The following PTPRA variants were observed in gnomAD, a reference collection of about 807,000 sequenced individuals.
PTPRA encodes receptor-type tyrosine-protein phosphatase alpha.
A neutral mutation model predicts 104.8 loss-of-function variants in PTPRA; 25 were observed. The ratio of observed to expected loss-of-function variants is 0.24; its 90% CI spans 0.17 to 0.33. The LOEUF is 0.33. Ranked by LOEUF, PTPRA falls within the 10% of genes least tolerant of loss-of-function variation. The pLI is 1.00. For synonymous variants in PTPRA, 323 were observed against 368.9 expected (o/e 0.88, Z 1.43); for missense variants, 765 against 1,015.3 (o/e 0.75, Z 3.35).
chr20:2,868,586 A>G (rs6138921), upstream of PTPRA, among the ~76,000 whole-genome samples: 30,415 of 145,368 alleles, frequency 0.21, 3,654 homozygotes, highest in East Asian at 0.36. Context: ...AGGAAAGGAA[A>G]TAATCCCCAA....
intron 13 of PTPRA, among the ~76,000 whole-genome samples, chr20:3,020,854 C>T (rs1432881148): frequency 6.6e-6 from 1 of 152,214 alleles, no homozygotes; most frequent in African/African-American, 2.4e-5. Context: ...ATCCAAAGCT[C>T]AGGCAACAGA....
intron 20 of PTPRA, among the ~76,000 whole-genome samples, chr20:3,034,958 C>T (rs1451360749): frequency 6.6e-6 from 1 of 152,062 alleles, no homozygotes; most frequent in Non-Finnish European, 1.5e-5. Flanking sequence ...AGGCATTGTG[C>T]AAGGTGTGGG....
At chr20:2,962,465 T>A (rs1016248137) in intron 3 of PTPRA, among the ~76,000 whole-genome samples, 2 of 152,232 alleles carry the variant, frequency 1.3e-5, no homozygotes, top group Non-Finnish European at 2.9e-5. Context: ...TCCTCTCAAA[T>A]ATGTAGTTAT....
At chr20:2,901,461 T>C (rs1370824961) in intron 1 of PTPRA, among the ~76,000 whole-genome samples, 1 of 152,152 alleles carries the variant, frequency 6.6e-6, no homozygotes, top group Non-Finnish European at 1.5e-5. Flanking sequence ...TGGCAGGAAG[T>C]ATATTTATAG....
At chr20:2,993,159 G>T (rs1161952622) in intron 9 of PTPRA, among the ~76,000 whole-genome samples, 4 of 152,208 alleles carry the variant, frequency 2.6e-5, no homozygotes, top group Admixed American at 1.3e-4. Flanking sequence ...AGAGTTGGAT[G>T]CAAGGATAAG....
chr20:2,889,568 A>G (rs1268604817), intron 1 of PTPRA, among the ~76,000 whole-genome samples: 1 of 152,248 alleles, frequency 6.6e-6, no homozygotes, highest in African/African-American at 2.4e-5. Flanking sequence ...AACTTAACGC[A>G]AAAGTACTAC....
chr20:3,029,680 A>G (rs1019728196), intron 20 of PTPRA, among the ~76,000 whole-genome samples: 1 of 150,630 alleles, frequency 6.6e-6, no homozygotes, highest in African/African-American at 2.5e-5. Context: ...GGGATTAAAG[A>G]CACCCACCAT....
intron 12 of PTPRA, 82 bp downstream of exon 12, chr20:3,015,967 G>A (rs1568698238): frequency 2.3e-6 from 3 of 1,320,776 alleles, no homozygotes; most frequent in Non-Finnish European, 3.2e-6. Flanking sequence ...AATGCTGAGT[G>A]GATTAACCAG....
chr20:3,009,124 T>G (rs974159950), intron 11 of PTPRA, among the ~76,000 whole-genome samples: 1 of 152,088 alleles, frequency 6.6e-6, no homozygotes, highest in African/African-American at 2.4e-5. Context: ...GTGCTCATGG[T>G]TGTGTACTGA....
At chr20:2,887,125 A>G (rs1022948341) in intron 1 of PTPRA, among the ~76,000 whole-genome samples, 6 of 152,270 alleles carry the variant, frequency 3.9e-5, no homozygotes, top group Admixed American at 3.9e-4. Context: ...TATTAAAATG[A>G]GATTTTTCAA....
intron 11 of PTPRA, among the ~76,000 whole-genome samples, chr20:3,015,011 A>T (rs533291814): frequency 6.6e-6 from 1 of 152,292 alleles, no homozygotes; most frequent in Non-Finnish European, 1.5e-5. Flanking sequence ...CTTGTCCCCC[A>T]CTGCCTGTGA....
At chr20:2,885,957 G>A (rs1324554265) in intron 1 of PTPRA, among the ~76,000 whole-genome samples, 2 of 152,130 alleles carry the variant, frequency 1.3e-5, no homozygotes, top group Non-Finnish European at 2.9e-5. Context: ...CCAGCTACTC[G>A]GGAGGCTGAG....
chr20:3,014,917 A>G (rs2064359562), intron 11 of PTPRA, among the ~76,000 whole-genome samples: 1 of 152,240 alleles, frequency 6.6e-6, no homozygotes, highest in Non-Finnish European at 1.5e-5. Flanking sequence ...CTGGAGCAAT[A>G]AAGACTGAAA....
chr20:2,909,474 C>T lies in PTPRA; in HGVS notation c.-128-13733C>T, dbSNP rs999466508. Among the ~76,000 whole-genome samples, 5 of 151,610 alleles carry T rather than the reference C, an allele frequency of 3.3e-5. No individual in the cohort carries two copies. In the East Asian group the frequency reaches 7.8e-4, roughly 24 times the overall value. On this transcript the variant is annotated intron_variant, in intron 1 of 23. Transcript: ENST00000399903. ...GCTCACACCTATAATCCCAGCTACTCGGGAGGCTGAGGCAGGAGAATTGCT... is the reference window on the plus strand; with the variant it reads ...GCTCACACCTATAATCCCAGCTACTTGGGAGGCTGAGGCAGGAGAATTGCT...
chr20:2,961,894 C>T (rs945452819), intron 3 of PTPRA, among the ~76,000 whole-genome samples: 3 of 152,168 alleles, frequency 2.0e-5, no homozygotes, highest in African/African-American at 4.8e-5. Flanking sequence ...TGCCTTTGCT[C>T]CTTTGTCAGT....
chr20:2,913,530 A>G (rs542582046), intron 1 of PTPRA, among the ~76,000 whole-genome samples: 17 of 152,222 alleles, frequency 1.1e-4, no homozygotes, highest in African/African-American at 4.1e-4. Flanking sequence ...TCTGTCTTTG[A>G]CTTGATCGCC....
At chr20:3,012,491 G>A (rs1327906990) in intron 11 of PTPRA, among the ~76,000 whole-genome samples, 1 of 152,226 alleles carries the variant, frequency 6.6e-6, no homozygotes, top group Non-Finnish European at 1.5e-5. Flanking sequence ...AAGTAATAAA[G>A]GAGTGGGCCA....
At chr20:2,972,504 A>G (rs1191500640) in intron 5 of PTPRA, among the ~76,000 whole-genome samples, 1 of 152,150 alleles carries the variant, frequency 6.6e-6, no homozygotes, top group Non-Finnish European at 1.5e-5. Context: ...CCGCCCAAAC[A>G]TATTGTATCG....
At chr20:3,012,168 T>A (rs912770891) in intron 11 of PTPRA, among the ~76,000 whole-genome samples, 3 of 152,190 alleles carry the variant, frequency 2.0e-5, no homozygotes, top group Admixed American at 2.0e-4. Flanking sequence ...GCGGTTTTGA[T>A]GAATTTATCT....
Sources: allele counts gnomAD v4.1 joint callset (sites outside exome capture counted in the v4.1 genomes callset), GRCh38; gene constraint gnomAD v4.1.1; transcripts MANE v1.5; gene names NCBI Gene and HGNC (gene_info 2026-07-23, HGNC 2026-07-21).